Variants in ECRG4 observed in about 807,000 individuals in gnomAD.
The protein encoded by ECRG4 is ECRG4 augurin precursor, also known as augurin.
In ECRG4, 18 loss-of-function variants were observed where a neutral mutation model predicts 15.8. That is an observed-to-expected ratio of 1.14 (90% confidence interval 0.79 to 1.69). The LOEUF is 1.69. Ranked by LOEUF, ECRG4 falls within the 40% of genes most tolerant of loss-of-function variation. The pLI is 0.00. For missense variants in ECRG4, 200 were observed against 190.9 expected, an observed-to-expected ratio of 1.05 and a Z score of -0.28; for synonymous variants, 82 against 73.9, an observed-to-expected ratio of 1.11 and a Z score of -0.56.
At chr2:106,074,977 C>A (rs532536121) in intron 3 of ECRG4, among the ~76,000 whole-genome samples, 10 of 152,268 alleles carry the variant, frequency 6.6e-5, no homozygotes, top group African/African-American at 2.4e-4. Flanking sequence ...ACATTTCCAA[C>A]CATTGGACAT....
At chr2:106,069,297 C>T (rs1676306452) in intron 1 of ECRG4, among the ~76,000 whole-genome samples, 2 of 132,064 alleles carry the variant, frequency 1.5e-5, no homozygotes, top group Admixed American at 8.6e-5. Flanking sequence ...TTCTTTCTTT[C>T]CTTCCTTCCT....
Position 106,065,846 on chromosome 2 carries a change from G to A in ECRG4, c.79+3G>A, listed in dbSNP as rs762426900. ...CCTGCTCCTGTGCTGGGGCCCAGGT[G>A]AGCGGGGCGATGCCAGGCTGATTGA... On this transcript the variant is annotated splice_donor_region_variant and intron_variant, in intron 1 of 3. Coordinates refer to ENST00000238044, the MANE Select transcript of ECRG4 (RefSeq NM_032411.3). The A allele has an allele frequency of 5.4e-6, 8 of 1,479,008 alleles. No homozygotes were observed. Among genetic ancestry groups the A allele is most frequent in the Non-Finnish European group, 7.1e-6 (8 of 1,122,052 alleles). 91.6% of individuals were successfully genotyped at this position (1,479,008 alleles called of 1,614,324 possible).
chr2:106,077,162 G>T (rs1676505081), intron 3 of ECRG4, among the ~76,000 whole-genome samples: 3 of 152,204 alleles, frequency 2.0e-5, no homozygotes, highest in Admixed American at 6.5e-5. Context: ...CCAGTGCCCA[G>T]CACAGGGCAT....
At chr2:106,066,521 A>G (rs1280123397) in intron 1 of ECRG4, among the ~76,000 whole-genome samples, 1 of 152,308 alleles carries the variant, frequency 6.6e-6, no homozygotes, top group East Asian at 1.9e-4. Context: ...CATAATCTGA[A>G]GCCGTGGTTT....
At chr2:106,066,295 T>C (rs1676214083) in intron 1 of ECRG4, among the ~76,000 whole-genome samples, 1 of 152,214 alleles carries the variant, frequency 6.6e-6, no homozygotes, top group Non-Finnish European at 1.5e-5. Context: ...AGTTGCAATT[T>C]GCAAAGCTGG....
chr2:106,076,457 C>G (rs1431215745), intron 3 of ECRG4, among the ~76,000 whole-genome samples: 1 of 152,124 alleles, frequency 6.6e-6, no homozygotes, highest in Non-Finnish European at 1.5e-5. Context: ...CTTCCCAAGG[C>G]AGAGGCTGAG....
intron 3 of ECRG4, among the ~76,000 whole-genome samples, chr2:106,074,941 C>G (rs1676453983): frequency 6.6e-6 from 1 of 152,180 alleles, no homozygotes; most frequent in Non-Finnish European, 1.5e-5. Flanking sequence ...AAAGTGAAAT[C>G]ATGTGGCTAT....
chr2:106,067,071 G>T (rs1326861268), intron 1 of ECRG4, among the ~76,000 whole-genome samples: 1 of 95,894 alleles, frequency 1.0e-5, no homozygotes, highest in Non-Finnish European at 2.3e-5. Flanking sequence ...GGGGGGGGGG[G>T]GGGGCAGATC....
At chr2:106,065,127 T>C (rs1257130529), upstream of ECRG4, among the ~76,000 whole-genome samples, 1 of 152,056 alleles carries the variant, frequency 6.6e-6, no homozygotes, top group Non-Finnish European at 1.5e-5. Flanking sequence ...TCTTTCAAAC[T>C]ATCTCAAAAA....
chr2:106,076,760 A>G (rs796101785), intron 3 of ECRG4, among the ~76,000 whole-genome samples: 11 of 152,204 alleles, frequency 7.2e-5, no homozygotes, highest in African/African-American at 2.6e-4. Flanking sequence ...TGCATTTGTG[A>G]TTTGGATGTT....
At position 106,078,068 on chromosome 2, in the gene ECRG4, TAAAAC is replaced by T. The variant is rs1028266067; in HGVS notation, c.*145_*149del. 8 of 671,292 alleles carry T rather than the reference TAAAAC, an allele frequency of 1.2e-5. No individual in the cohort carries two copies. The African/African-American group carries it at 1.3e-4, about 11-fold the overall frequency. The allele number at this position is 671,292 out of a possible 1,614,324, so 41.6% of individuals were successfully genotyped here. The stretch of plus-strand genomic sequence containing the variant: ...CTTTGTGTGATCAAAAAAGAAGAGT[TAAAAC>T]AACACATGTAAATGCCTTTTGATAT... On this transcript the variant is annotated 3_prime_UTR_variant, in exon 4 of 4. Transcript: ENST00000238044.
At chr2:106,067,900 T>C (rs1268311618) in intron 1 of ECRG4, among the ~76,000 whole-genome samples, 4 of 150,268 alleles carry the variant, frequency 2.7e-5, no homozygotes, top group Non-Finnish European at 1.5e-5. Flanking sequence ...AGTGGTGTGA[T>C]CATAGCTCAC....
At chr2:106,067,813 G>A (rs1167823701) in intron 1 of ECRG4, among the ~76,000 whole-genome samples, 2 of 151,492 alleles carry the variant, frequency 1.3e-5, no homozygotes, top group Non-Finnish European at 1.5e-5. Context: ...AATCCCAAAG[G>A]TGACTCTTTA....
intron 1 of ECRG4, among the ~76,000 whole-genome samples, chr2:106,071,333 A>G (rs1676364744): frequency 2.6e-5 from 1 of 38,970 alleles, no homozygotes; most frequent in African/African-American, 6.4e-5. Flanking sequence ...AAAAAAAAAA[A>G]AAAAAAAAAA....
At chr2:106,077,649 G>A (rs1676513390) in intron 3 of ECRG4, 116 bp from the exon 4 acceptor site, 14 of 890,092 alleles carry the variant, frequency 1.6e-5, no homozygotes, top group Non-Finnish European at 2.3e-5. Flanking sequence ...GAGTTACTAA[G>A]GGTTGTTAAT....
rs1316464173 is a variant in ECRG4, at chr2:106,065,825, CTCCT to C, written c.62_65del (p.Leu21ArgfsTer8). 6.7e-7 allele frequency: 1 copy of C among 1,485,616 alleles called. No homozygotes were observed. The highest frequency in any genetic ancestry group is 1.5e-5 in the African/African-American group (1 of 68,412). 92.0% of individuals were successfully genotyped at this position (1,485,616 alleles called of 1,614,324 possible). Reference sequence around the variant, plus strand: ...CCTGACCGGGCTGGCGCTGCTCCTGCTCCTGTGCTGGGGCCCAGGTGAGCGGGGC... The same window carrying C: ...CCTGACCGGGCTGGCGCTGCTCCTGCGTGCTGGGGCCCAGGTGAGCGGGGC... On this transcript the variant is annotated frameshift_variant, in exon 1 of 4. Coordinates refer to ENST00000238044, the MANE Select transcript of ECRG4 (RefSeq NM_032411.3). LOFTEE classifies it high-confidence loss of function.
chr2:106,074,211 G>A (rs1676435022), intron 3 of ECRG4, 168 bp downstream of exon 3: 1 of 750,868 alleles, frequency 1.3e-6, no homozygotes, highest in Non-Finnish European at 2.1e-6. Context: ...TGTTACCTAT[G>A]GTGTAAGGGC....
At chr2:106,066,899 G>C (rs1404116009) in intron 1 of ECRG4, among the ~76,000 whole-genome samples, 1 of 151,970 alleles carries the variant, frequency 6.6e-6, no homozygotes, top group Non-Finnish European at 1.5e-5. Context: ...TGTTCAGGTG[G>C]GGAGGATTAT....
chr2:106,076,759 G>A (rs964132091), intron 3 of ECRG4, among the ~76,000 whole-genome samples: 1 of 152,194 alleles, frequency 6.6e-6, no homozygotes, highest in African/African-American at 2.4e-5. Context: ...CTGCATTTGT[G>A]ATTTGGATGT....
Sources: allele counts gnomAD v4.1 joint callset (sites outside exome capture counted in the v4.1 genomes callset), GRCh38; gene constraint gnomAD v4.1.1; transcripts MANE v1.5; gene names NCBI Gene and HGNC (gene_info 2026-07-23, HGNC 2026-07-21).